Variants in DCLK3 observed in about 807,000 individuals in gnomAD.
DCLK3 encodes doublecortin like kinase 3, also known as serine/threonine-protein kinase DCLK3.
A neutral mutation model predicts 46.4 loss-of-function variants in DCLK3; 30 were observed. The observed-to-expected ratio is 0.65, with a 90% CI of 0.48 to 0.88. The LOEUF (loss-of-function observed/expected upper bound fraction) is 0.88. Ranked by LOEUF, DCLK3 falls within the 40% of genes least tolerant of loss-of-function variation. The pLI, the probability that DCLK3 is intolerant of heterozygous loss-of-function variation, is 0.00. For missense variants in DCLK3, 846 were observed against 907.1 expected (o/e 0.93, Z 0.87); for synonymous variants, 401 against 339.2 (o/e 1.18, Z -2.00).
At chr3:36,759,883 C>T (rs1448938086) in intron 1 of DCLK3, among the ~76,000 whole-genome samples, 1 of 152,206 alleles carries the variant, frequency 6.6e-6, no homozygotes, top group Non-Finnish European at 1.5e-5. Context: ...ACAGAGTGCT[C>T]ATCTCACCAT....
rs769196498 is a variant in DCLK3, at chr3:36,721,510, C to G, written c.2092+17G>C. On this transcript the variant is annotated intron_variant, in intron 3 of 4. Transcript: ENST00000636136. ...GTAAGGGAACTAGAGTCCCACAGAT[C>G]GATGTGTAACACTTACCTTTCTCAG... 3.7e-6 allele frequency: 6 copies of G among 1,612,594 alleles called. No individual in the cohort carries two copies. The highest frequency in any genetic ancestry group is 1.1e-5 in the South Asian group (1 of 90,534).
intron 2 of DCLK3, among the ~76,000 whole-genome samples, chr3:36,731,187 G>T (rs1180691413): frequency 6.6e-6 from 1 of 152,116 alleles, no homozygotes; most frequent in African/African-American, 2.4e-5. Context: ...GACTGTAGGT[G>T]TTTCCTGAAC....
chr3:36,717,105 A>C (rs1481108970), intron 4 of DCLK3, among the ~76,000 whole-genome samples: 3 of 151,922 alleles, frequency 2.0e-5, no homozygotes, highest in Admixed American at 6.6e-5. Flanking sequence ...AAATGTTATC[A>C]CTCCTATTCT....
At chr3:36,715,600 C>T in intron 4 of DCLK3, 79 bp from the exon 5 acceptor site, 1 of 1,457,444 alleles carries the variant, frequency 6.9e-7, no homozygotes, top group Non-Finnish European at 9.2e-7. Flanking sequence ...GAAATAAGAA[C>T]ATAAACATTC....
intron 2 of DCLK3, among the ~76,000 whole-genome samples, chr3:36,722,368 T>C (rs1040091022): frequency 6.6e-6 from 1 of 152,226 alleles, no homozygotes; most frequent in African/African-American, 2.4e-5. Context: ...GGATTGCTTG[T>C]ATTAGGTTGG....
At chr3:36,716,851 A>G (rs1700986551) in intron 4 of DCLK3, among the ~76,000 whole-genome samples, 1 of 152,208 alleles carries the variant, frequency 6.6e-6, no homozygotes, top group South Asian at 2.1e-4. Flanking sequence ...CCCAAATCTA[A>G]GGAGTGCTGC....
Position 36,737,759 on chromosome 3 carries a change from TCTC to T in DCLK3, c.1405_1407del (p.Glu469del). 3 of 1,614,172 alleles carry T rather than the reference TCTC, an allele frequency of 1.9e-6. No individual in the cohort carries two copies. The highest frequency in any genetic ancestry group is 2.5e-6 in the Non-Finnish European group (3 of 1,180,036). On this transcript the variant is annotated inframe_deletion, in exon 2 of 5. Transcript: ENST00000636136. The surrounding 1 kb of genome is among the most constrained non-coding windows in gnomAD (Gnocchi z 4.4). The stretch of plus-strand genomic sequence containing the variant: ...CTGCCTCCAGACATACATGGCTTTT[TCTC>T]CTTCTCTGCCTCCTTCTCTTCTCCT...
Position 36,718,032 on chromosome 3 carries a change from A to C in DCLK3, c.2238T>G (p.Pro746=), listed in dbSNP as rs1701006556. 6.2e-7 allele frequency: 1 copy of C among 1,614,032 alleles called. No individual in the cohort carries two copies. Among genetic ancestry groups the C allele is most frequent in the African/African-American group, 1.3e-5 (1 of 74,910 alleles). The change falls in exon 4 of 5, where the codon CCT becomes CCG. Residue 746 remains proline, a synonymous_variant. Transcript: ENST00000636136. The part of the protein sequence containing the change: ...IQLGHFEFLP[P]YWDNISDAAK... ...CACCATCAGAGATATTGTCCCAGTA[A>C]GGGGGGAGGAACTCAAAGTGGCCCA...
intron 3 of DCLK3, among the ~76,000 whole-genome samples, chr3:36,720,010 T>C (rs1172516330): frequency 3.3e-5 from 5 of 152,212 alleles, no homozygotes; most frequent in Non-Finnish European, 1.5e-5. Context: ...ACGGTTTGGA[T>C]ATTTGTCCCC....
intron 1 of DCLK3, among the ~76,000 whole-genome samples, chr3:36,754,771 T>A (rs755268472): frequency 2.6e-5 from 4 of 152,200 alleles, no homozygotes; most frequent in Non-Finnish European, 5.9e-5. Context: ...TTTCTCTCCA[T>A]CTTTCCCTGT....
chr3:36,714,577 C>T lies in DCLK3; in HGVS notation c.*751G>A, dbSNP rs1700951205. ...CTCCCTCGTGATCTGAAAATGTTAA[C>T]ACGGTCACAGCCTGAGCGCCTGACT... is the stretch of plus-strand genomic sequence containing the variant. On this transcript the variant is annotated 3_prime_UTR_variant, in exon 5 of 5. Transcript: ENST00000636136. 6.6e-6 allele frequency: 1 copy of T among 152,218 alleles called. No individual in the cohort carries two copies. Among genetic ancestry groups the T allele is most frequent in the Non-Finnish European group, 1.5e-5 (1 of 68,044 alleles). 9.4% of individuals were successfully genotyped at this position (152,218 alleles called of 1,614,324 possible).
chr3:36,725,395 T>G (rs1033155556), intron 2 of DCLK3, among the ~76,000 whole-genome samples: 1 of 150,950 alleles, frequency 6.6e-6, no homozygotes, highest in Non-Finnish European at 1.5e-5. Context: ...GGTGGAAGGA[T>G]CACTTGAGGC....
rs1575131953 is a variant in DCLK3, at chr3:36,712,862, C to T, written c.*2466G>A. Reference sequence around the variant, plus strand: ...AAATCATGCCCATTCAAGATGTTTCCACTTTGGGGCTACTACAAATAAAGC... The same window carrying T: ...AAATCATGCCCATTCAAGATGTTTCTACTTTGGGGCTACTACAAATAAAGC... On this transcript the variant is annotated 3_prime_UTR_variant, in exon 5 of 5. Coordinates refer to ENST00000636136, the MANE Select transcript of DCLK3 (RefSeq NM_001394672.2). The T allele has an allele frequency of 6.6e-6, 1 of 152,128 alleles. No individual in the cohort carries two copies. The highest frequency in any genetic ancestry group is 1.9e-4 in the East Asian group (1 of 5,192). The allele number at this position is 152,128 out of a possible 1,614,324, so 9.4% of individuals were successfully genotyped here.
At position 36,715,511 on chromosome 3, in the gene DCLK3, A is replaced by T; in HGVS notation, c.2271T>A (p.Asp757Glu). Reference sequence around the variant, plus strand: ...CTACCACCAGCAACCGGCTCACCAGATCTTTAGCAGCTGTTGGAATGAGAG... The same window carrying T: ...CTACCACCAGCAACCGGCTCACCAGTTCTTTAGCAGCTGTTGGAATGAGAG... ...YWDNISDAAK[D>E]LVSRLLVVDP... The change falls in exon 5 of 5, where the codon GAT becomes GAA. Residue 757 changes from aspartate (D) to glutamate (E), a missense_variant. Asp to Glu is a conservative substitution (Grantham distance 45). Around this residue, in one of 3 missense-constraint regions of DCLK3, gnomAD observed 247 missense variants for 322.8 expected, o/e 0.77. Transcript: ENST00000636136. 6.5e-7 allele frequency: 1 copy of T among 1,527,586 alleles called. No individual in the cohort carries two copies. Among genetic ancestry groups the T allele is most frequent in the Non-Finnish European group, 8.8e-7 (1 of 1,139,724 alleles). 94.6% of individuals were successfully genotyped at this position (1,527,586 alleles called of 1,614,324 possible).
chr3:36,744,326 T>A (rs2125534006), intron 1 of DCLK3, among the ~76,000 whole-genome samples: 1 of 152,274 alleles, frequency 6.6e-6, no homozygotes, highest in Middle Eastern at 3.4e-3. Flanking sequence ...ATACATTAGA[T>A]AAGTGAGGTG....
chr3:36,716,432 G>A (rs780704887), intron 4 of DCLK3, among the ~76,000 whole-genome samples: 28 of 152,066 alleles, frequency 1.8e-4, no homozygotes, highest in Non-Finnish European at 3.7e-4. Flanking sequence ...AATTCAAGCT[G>A]GGAAAATTCT....
At chr3:36,729,200 C>T (rs575522443) in intron 2 of DCLK3, among the ~76,000 whole-genome samples, 84 of 151,536 alleles carry the variant, frequency 5.5e-4, no homozygotes, top group African/African-American at 1.6e-3. Flanking sequence ...ACTTCAGTGT[C>T]CCTGCCTGAG....
intron 1 of DCLK3, among the ~76,000 whole-genome samples, chr3:36,739,295 G>A (rs1263688203): frequency 6.6e-6 from 1 of 152,146 alleles, no homozygotes; most frequent in African/African-American, 2.4e-5. Flanking sequence ...TAAGCATTGG[G>A]CTTGCAGTGA....
chr3:36,751,930 G>C (rs563307628), intron 1 of DCLK3, among the ~76,000 whole-genome samples: 1 of 152,278 alleles, frequency 6.6e-6, no homozygotes, highest in East Asian at 1.9e-4. Flanking sequence ...ATGCAGTCAG[G>C]ATTTTTCATC....
Sources: allele counts gnomAD v4.1 joint callset (sites outside exome capture counted in the v4.1 genomes callset), GRCh38; gene constraint gnomAD v4.1.1; regional missense constraint gnomAD v4.1.1; non-coding constraint Gnocchi (gnomAD v3.1); transcripts MANE v1.5; gene names NCBI Gene and HGNC (gene_info 2026-07-23, HGNC 2026-07-21).